The following ZNF678 variants were observed in gnomAD, a reference collection of about 807,000 sequenced individuals.
The protein encoded by ZNF678 is zinc finger protein 678.
Under a neutral mutation model 3.0 loss-of-function variants are expected in ZNF678, and 5 were observed. The observed-to-expected ratio is 1.69, with a 90% CI of 0.88 to 3.56. The LOEUF is 3.56. Among genes scored for constraint, ZNF678 ranks in the 30% most tolerant of loss-of-function variants. ZNF678 has a pLI of 0.00. For synonymous variants in ZNF678, 218 were observed against 199.6 expected (o/e 1.09, Z -0.78); for missense variants, 593 against 605.0 (o/e 0.98, Z 0.21).
At chr1:227,609,733 C>CTT (rs1002403051) in intron 1 of ZNF678, among the ~76,000 whole-genome samples, 1 of 147,008 alleles carries the variant, frequency 6.8e-6, no homozygotes, top group Admixed American at 6.8e-5. Flanking sequence ...ATTTCCTTCA[C>CTT]TTTTTTTTTT....
intron 1 of ZNF678, among the ~76,000 whole-genome samples, chr1:227,641,728 G>A (rs1248774854): frequency 6.7e-6 from 1 of 150,148 alleles, no homozygotes; most frequent in Non-Finnish European, 1.5e-5. Context: ...GGAATCTACA[G>A]TTCTTTGAGA....
chr1:227,645,936 C>T (rs76336474), intron 1 of ZNF678, among the ~76,000 whole-genome samples: 12,047 of 152,208 alleles, frequency 0.079, 631 homozygotes, highest in Middle Eastern at 0.2. Context: ...GGGCATAAAC[C>T]ATCACATTTA....
At chr1:227,677,440 C>T (rs1659703003) in exon 6 of ZNF678, 2 of 152,282 alleles carry the variant, frequency 1.3e-5, no homozygotes, top group African/African-American at 2.4e-5. Flanking sequence ...GTGCATGGGT[C>T]ACCTGAGGAA....
chr1:227,594,392 CTTTCATAATTTT>C (rs758825686), intron 1 of ZNF678, among the ~76,000 whole-genome samples: 15 of 152,012 alleles, frequency 9.9e-5, no homozygotes, highest in South Asian at 2.1e-4. Context: ...TCTTTTTAAC[CTTTCATAATTTT>C]TGTTAAAGAG....
Position 227,592,991 on chromosome 1 carries a change from G to C in ZNF678, c.-164+29267G>C, listed in dbSNP as rs548819169. On this transcript the variant is annotated intron_variant, in intron 1 of 3. Transcript: ENST00000343776. Reference sequence around the variant, plus strand: ...CATCCCTTCAGGTCTCCAAGGAATGGTAAGTTTTCTCCTTGTCGTGAGAGA... The same window carrying C: ...CATCCCTTCAGGTCTCCAAGGAATGCTAAGTTTTCTCCTTGTCGTGAGAGA... 5.3e-5 allele frequency among the ~76,000 whole-genome samples: 8 copies of C among 152,234 alleles called. No individual in the cohort carries two copies. In the South Asian group the frequency reaches 6.2e-4, roughly 12 times the overall value.
At chr1:227,671,491 T>C (rs2102820917) in intron 5 of ZNF678, among the ~76,000 whole-genome samples, 1 of 152,312 alleles carries the variant, frequency 6.6e-6, no homozygotes, top group Non-Finnish European at 1.5e-5. Context: ...ATGAATATTG[T>C]GACTGTCTTT....
At chr1:227,580,999 T>A (rs1657117165) in intron 1 of ZNF678, among the ~76,000 whole-genome samples, 1 of 152,060 alleles carries the variant, frequency 6.6e-6, no homozygotes, top group East Asian at 1.9e-4. Flanking sequence ...GAGTATGGAC[T>A]TCTATATAAA....
intron 1 of ZNF678, among the ~76,000 whole-genome samples, chr1:227,564,591 A>G (rs1157798479): frequency 2.0e-5 from 3 of 152,222 alleles, no homozygotes; most frequent in Non-Finnish European, 4.4e-5. Context: ...CAAAATTCAT[A>G]AAAACCACCA....
At chr1:227,585,244 GA>G (rs1200238827) in intron 1 of ZNF678, among the ~76,000 whole-genome samples, 1 of 152,170 alleles carries the variant, frequency 6.6e-6, no homozygotes, top group Non-Finnish European at 1.5e-5. Context: ...CATCTGAGCT[GA>G]ATTATGCATG....
rs567152309 is a variant in ZNF678 at position 227,619,659 on chromosome 1, C to T, written c.-163-26885C>T. On this transcript the variant is annotated intron_variant, in intron 1 of 3. Transcript: ENST00000343776. ...CCTGAGTAGCTGTGACTACAGGTGC[C>T]GCCCACCACGACTGGCTAATTTTTT... is the stretch of plus-strand genomic sequence containing the variant. Among the ~76,000 whole-genome samples the T allele has an allele frequency of 3.4e-4, 52 of 152,086 alleles. 2 individuals are homozygous for T. The South Asian group carries it at 0.01, about 31-fold the overall frequency.
At chr1:227,630,273 T>G (rs1658518082) in intron 1 of ZNF678, among the ~76,000 whole-genome samples, 1 of 152,204 alleles carries the variant, frequency 6.6e-6, no homozygotes, top group Admixed American at 6.5e-5. Flanking sequence ...CTAGTTTTCC[T>G]TAGTCCTTCT....
chr1:227,590,000 A>G (rs1657368686), intron 1 of ZNF678, among the ~76,000 whole-genome samples: 2 of 151,778 alleles, frequency 1.3e-5, no homozygotes, highest in African/African-American at 2.4e-5. Flanking sequence ...TGCATGACAG[A>G]TAGTGATTTA....
intron 1 of ZNF678, among the ~76,000 whole-genome samples, chr1:227,635,843 G>A (rs1342695032): frequency 3.9e-5 from 6 of 151,958 alleles, no homozygotes; most frequent in African/African-American, 1.2e-4. Flanking sequence ...TGAGAAGGGA[G>A]GAGTTATTCA....
intron 1 of ZNF678, among the ~76,000 whole-genome samples, chr1:227,580,947 A>G (rs1657115842): frequency 6.6e-6 from 1 of 151,990 alleles, no homozygotes; most frequent in Non-Finnish European, 1.5e-5. Flanking sequence ...AAATTTTACC[A>G]CAGAAAATTG....
At chr1:227,603,569 A>G (rs1348211679) in intron 1 of ZNF678, among the ~76,000 whole-genome samples, 1 of 152,096 alleles carries the variant, frequency 6.6e-6, no homozygotes, top group Non-Finnish European at 1.5e-5. Context: ...GCTAGTATGT[A>G]GGGAGTCATC....
At position 227,656,330 on chromosome 1, in the gene ZNF678, G is replaced by T. The variant is rs1400884277; in HGVS notation, c.*502G>T. The T allele has an allele frequency of 6.6e-6, 1 of 151,854 alleles. No individual in the cohort carries two copies. The highest frequency in any genetic ancestry group is 1.5e-5 in the Non-Finnish European group (1 of 67,828). 9.4% of individuals were successfully genotyped at this position (151,854 alleles called of 1,614,324 possible). A position where few individuals can be genotyped will look rare whatever the true frequency, so the allele number is the denominator to read the frequency against. On this transcript the variant is annotated 3_prime_UTR_variant, in exon 4 of 4. Coordinates refer to ENST00000343776, the MANE Select transcript of ZNF678 (RefSeq NM_001367909.1). ...CAAAGTTAAAATAGATAATTTAGTT[G>T]TATGTAAATTTAAATGAATCAAGAG...
intron 1 of ZNF678, among the ~76,000 whole-genome samples, chr1:227,608,302 A>G (rs893831314): frequency 2.0e-5 from 3 of 152,102 alleles, no homozygotes; most frequent in African/African-American, 7.2e-5. Context: ...TTAGGTGAGT[A>G]CTAAGAAGGA....
chr1:227,621,144 A>G (rs943942148), intron 1 of ZNF678, among the ~76,000 whole-genome samples: 3 of 152,126 alleles, frequency 2.0e-5, no homozygotes, highest in Admixed American at 2.0e-4. Context: ...TATTCTGGAG[A>G]GTGAGGTTAG....
intron 1 of ZNF678, among the ~76,000 whole-genome samples, chr1:227,620,912 G>A (rs980300271): frequency 3.3e-5 from 5 of 151,858 alleles, no homozygotes; most frequent in African/African-American, 1.2e-4. Context: ...GCTTCTTCCT[G>A]TGTCCTTTTG....
Sources: allele counts gnomAD v4.1 joint callset (sites outside exome capture counted in the v4.1 genomes callset), GRCh38; gene constraint gnomAD v4.1.1; transcripts MANE v1.5; gene names NCBI Gene and HGNC (gene_info 2026-07-23, HGNC 2026-07-21).